The following RIMS3 variants were observed in gnomAD, a reference collection of about 807,000 sequenced individuals.
RIMS3 encodes the protein regulating synaptic membrane exocytosis protein 3.
Under a neutral mutation model 29.2 loss-of-function variants are expected in RIMS3, and 15 were observed. The ratio of observed to expected loss-of-function variants is 0.51; its 90% confidence interval spans 0.34 to 0.79. The LOEUF is 0.79. RIMS3 is among the 30% of genes least tolerant of loss of function. RIMS3 has a pLI of 0.01. For missense variants in RIMS3, 342 were observed against 421.4 expected (o/e 0.81, Z 1.65); for synonymous variants, 161 against 170.1 (o/e 0.95, Z 0.41).
intron 1 of RIMS3, among the ~76,000 whole-genome samples, chr1:40,662,510 G>A (rs1284863350): frequency 1.3e-5 from 2 of 152,170 alleles, no homozygotes; most frequent in African/African-American, 2.4e-5. Flanking sequence ...GGCAGGGGCC[G>A]CCTGGCTCAT....
At chr1:40,681,264 C>T in the RIMS3 span, among the ~76,000 whole-genome samples, 2 of 152,102 alleles carry the variant, frequency 1.3e-5, no homozygotes, top group Non-Finnish European at 2.9e-5. Context: ...TAGAGGTGAG[C>T]TCAGTAGAAG....
chr1:40,685,307 AATAT>A, the RIMS3 span, among the ~76,000 whole-genome samples: 1 of 17,684 alleles, frequency 5.7e-5, no homozygotes, highest in Non-Finnish European at 1.2e-4. Flanking sequence ...TATATATATT[AATAT>A]ATATAATTAT....
the RIMS3 span, chr1:40,691,647 C>A: frequency 4.6e-6 from 2 of 433,494 alleles, no homozygotes; most frequent in Admixed American, 5.0e-5. Context: ...TTCTGCGCAC[C>A]GCACGATACT....
the RIMS3 span, among the ~76,000 whole-genome samples, chr1:40,671,090 G>C: frequency 6.6e-6 from 1 of 152,148 alleles, no homozygotes; most frequent in African/African-American, 2.4e-5. Context: ...GAGGCAGAGG[G>C]AAATTGGAGA....
chr1:40,676,860 A>C, the RIMS3 span, among the ~76,000 whole-genome samples: 7 of 152,222 alleles, frequency 4.6e-5, no homozygotes, highest in Non-Finnish European at 1.0e-4. Context: ...AAACTCAGGC[A>C]GGATGGACAA....
Position 40,626,467 on chromosome 1 carries a change from C to A in RIMS3, c.*50G>T, listed in dbSNP as rs201021968. 7.3e-6 allele frequency: 11 copies of A among 1,498,578 alleles called. No homozygotes were observed. Among genetic ancestry groups the A allele is most frequent in the African/African-American group, 1.4e-5 (1 of 72,336 alleles). 92.8% of individuals were successfully genotyped at this position (1,498,578 alleles called of 1,614,324 possible). ...ACTATGTACAGGGGAGGACATGGGGCCAGCAGGCACCCCTCCCCACACCAC... is the reference window on the plus strand; with the variant it reads ...ACTATGTACAGGGGAGGACATGGGGACAGCAGGCACCCCTCCCCACACCAC... On this transcript the variant is annotated 3_prime_UTR_variant, in exon 8 of 8. Transcript: ENST00000372684.
the RIMS3 span, chr1:40,691,654 T>A: frequency 2.3e-6 from 1 of 443,096 alleles, no homozygotes; most frequent in Non-Finnish European, 4.5e-6. Context: ...CACCGCACGA[T>A]ACTGGGAGTC....
intron 5 of RIMS3, among the ~76,000 whole-genome samples, chr1:40,632,463 T>G (rs1434449562): frequency 1.8e-5 from 2 of 108,344 alleles, no homozygotes; most frequent in Non-Finnish European, 3.8e-5. Flanking sequence ...TATATATATA[T>G]GCCATCTAGG....
the RIMS3 span, among the ~76,000 whole-genome samples, chr1:40,675,111 T>A: frequency 5.3e-3 from 809 of 151,534 alleles, 6 homozygotes; most frequent in African/African-American, 0.018. Flanking sequence ...GAAAAAAAAT[T>A]TTTTTTAATT....
chr1:40,642,510 A>C (rs1646565279), intron 2 of RIMS3, among the ~76,000 whole-genome samples: 1 of 152,198 alleles, frequency 6.6e-6, no homozygotes, highest in Non-Finnish European at 1.5e-5. Flanking sequence ...GGGATACTGC[A>C]GAAAAGTCCA....
the RIMS3 span, among the ~76,000 whole-genome samples, chr1:40,671,741 C>A: frequency 1.3e-5 from 2 of 151,700 alleles, no homozygotes; most frequent in African/African-American, 4.8e-5. Context: ...CCAATTAAAC[C>A]CCTTTCCTTT....
At chr1:40,688,125 C>T in the RIMS3 span, among the ~76,000 whole-genome samples, 36 of 152,132 alleles carry the variant, frequency 2.4e-4, no homozygotes, top group African/African-American at 7.7e-4. Context: ...CCACCATGCC[C>T]GGCTAATTTT....
chr1:40,676,573 C>A, the RIMS3 span, among the ~76,000 whole-genome samples: 1 of 152,130 alleles, frequency 6.6e-6, no homozygotes, highest in African/African-American at 2.4e-5. Context: ...CCCTACGTAC[C>A]CCCTTAATAC....
At chr1:40,665,817 G>A (rs1642418216), upstream of RIMS3, among the ~76,000 whole-genome samples, 2 of 152,230 alleles carry the variant, frequency 1.3e-5, no homozygotes, top group Non-Finnish European at 2.9e-5. Flanking sequence ...TGGCTTGCCG[G>A]GTTGTGGTTG....
At chr1:40,658,494 G>A (rs1408732242) in intron 1 of RIMS3, among the ~76,000 whole-genome samples, 1 of 152,210 alleles carries the variant, frequency 6.6e-6, no homozygotes, top group Non-Finnish European at 1.5e-5. Context: ...CCTTCTCTGA[G>A]CGGGGCACTG....
chr1:40,673,713 C>T, the RIMS3 span, among the ~76,000 whole-genome samples: 1 of 152,218 alleles, frequency 6.6e-6, no homozygotes, highest in African/African-American at 2.4e-5. Flanking sequence ...ACTGCTTTCT[C>T]CAGTCGTCCC....
intron 1 of RIMS3, among the ~76,000 whole-genome samples, chr1:40,656,783 CAA>C (rs57983058): frequency 2.3e-4 from 17 of 73,288 alleles, no homozygotes; most frequent in Admixed American, 6.6e-4. Flanking sequence ...AACTCCGTCT[CAA>C]AAAAAAAAAA....
At chr1:40,691,706 A>C in the RIMS3 span, 1 of 453,828 alleles carries the variant, frequency 2.2e-6, no homozygotes, top group Non-Finnish European at 4.4e-6. Context: ...GAAACGGTGC[A>C]AACGGCGTGG....
chr1:40,623,488 T>C lies in RIMS3; in HGVS notation c.*3029A>G. On this transcript the variant is annotated 3_prime_UTR_variant, in exon 8 of 8. Transcript: ENST00000372684. ...TGCAGGGCCACTCCTGTCTCTGCCA[T>C]ATGCACAGTGAACCTCGCCTGACCA... 2.5e-6 allele frequency: 1 copy of C among 398,662 alleles called. No homozygotes were observed. The highest frequency in any genetic ancestry group is 3.6e-5 in the East Asian group (1 of 28,078). 24.7% of individuals were successfully genotyped at this position (398,662 alleles called of 1,614,324 possible). A position where few individuals can be genotyped will look rare whatever the true frequency, so the allele number is the denominator to read the frequency against.
Sources: gnomAD v4.1 joint callset for allele counts (sites outside exome capture counted in the v4.1 genomes callset) on GRCh38, gnomAD v4.1.1 for gene constraint, MANE v1.5 for transcripts, NCBI Gene and HGNC (gene_info 2026-07-23, HGNC 2026-07-21) for gene names.